RANBP2: variants seen among roughly 807,000 people sequenced by gnomAD.
RANBP2 encodes RAN binding protein 2.
RANBP2 carries 57 observed loss-of-function variants against 303.6 expected under a neutral mutation model. That is an observed-to-expected ratio of 0.19 (90% confidence interval 0.15 to 0.23). The LOEUF (loss-of-function observed/expected upper bound fraction) is 0.23. Ranked by LOEUF, RANBP2 falls within the 10% of genes least tolerant of loss-of-function variation. The probability of loss-of-function intolerance (pLI) is 1.00; values close to 1 mark genes in which losing one functional copy is unlikely to be tolerated. For missense variants in RANBP2, 3,138 were observed against 3,780.8 expected, an observed-to-expected ratio of 0.83 and a Z score of 4.46; for synonymous variants, 1,167 against 1,301.5, an observed-to-expected ratio of 0.90 and a Z score of 2.23.
At chr2:109,449,747 T>C in the RANBP2 span, among the ~76,000 whole-genome samples, 1 of 152,210 alleles carries the variant, frequency 6.6e-6, no homozygotes, top group African/African-American at 2.4e-5. Flanking sequence ...CAGAAAAAGG[T>C]GTCCCCTCTT....
At chr2:109,584,788 G>C in the RANBP2 span, among the ~76,000 whole-genome samples, 7 of 152,136 alleles carry the variant, frequency 4.6e-5, no homozygotes, top group Middle Eastern at 3.4e-3. Context: ...TATATGTCTT[G>C]TATTTTTTTT....
chr2:108,896,631 A>C, the RANBP2 span: 1 of 470,626 alleles, frequency 2.1e-6, no homozygotes, highest in Non-Finnish European at 3.8e-6. Context: ...CAGTGAGTTA[A>C]TGGTGGGCTG....
At chr2:109,292,684 G>C in the RANBP2 span, among the ~76,000 whole-genome samples, 3 of 152,150 alleles carry the variant, frequency 2.0e-5, no homozygotes, top group Non-Finnish European at 2.9e-5. Context: ...GTGCTGAGAG[G>C]AGCACAAACC....
At chr2:108,843,648 A>C in the RANBP2 span, among the ~76,000 whole-genome samples, 1 of 151,636 alleles carries the variant, frequency 6.6e-6, no homozygotes, top group South Asian at 2.1e-4. Flanking sequence ...CATTTGAGTT[A>C]TTTTCCCCAT....
chr2:109,562,846 A>G, the RANBP2 span, among the ~76,000 whole-genome samples: 1 of 152,164 alleles, frequency 6.6e-6, no homozygotes, highest in African/African-American at 2.4e-5. Context: ...TACGAGAATG[A>G]CTGGCCCACA....
chr2:109,410,250 G>A, the RANBP2 span, among the ~76,000 whole-genome samples: 5 of 152,240 alleles, frequency 3.3e-5, no homozygotes, highest in Non-Finnish European at 5.9e-5. Context: ...ACACATCGCC[G>A]TCACAGATGA....
At chr2:109,238,447 ATTTGTGTGTGTGTG>A in the RANBP2 span, among the ~76,000 whole-genome samples, 1 of 119,994 alleles carries the variant, frequency 8.3e-6, no homozygotes, top group African/African-American at 3.3e-5. Context: ...TGTTATGTAT[ATTTGTGTGTGTGTG>A]TGTGTGTGTG....
chr2:109,760,400 G>GGGC, the RANBP2 span: 3,726 of 715,182 alleles, frequency 5.2e-3, 27 homozygotes, highest in South Asian at 0.011. Flanking sequence ...GGCGGGGCGG[G>GGGC]GGCGGCGGCG....
At chr2:109,545,680 A>T in the RANBP2 span, 2 of 1,466,280 alleles carry the variant, frequency 1.4e-6, no homozygotes, top group Non-Finnish European at 1.8e-6. Context: ...TTTAGACATG[A>T]AATTCAAAAT....
the RANBP2 span, among the ~76,000 whole-genome samples, chr2:109,519,995 G>A: frequency 1.3e-3 from 201 of 152,296 alleles, no homozygotes; most frequent in African/African-American, 4.6e-3. Context: ...GCATCTACAC[G>A]TGAGATGAAA....
chr2:108,729,228 T>G (rs762793651), intron 2 of RANBP2, 29 bp downstream of exon 2: 4 of 1,556,004 alleles, frequency 2.6e-6, no homozygotes, highest in South Asian at 1.1e-5. Context: ...ATGTATTTTT[T>G]TTTTAAAATC....
At chr2:109,188,668 C>T in the RANBP2 span, among the ~76,000 whole-genome samples, 6 of 152,164 alleles carry the variant, frequency 3.9e-5, no homozygotes, top group African/African-American at 1.4e-4. Context: ...GAATGCAAAG[C>T]GCTTGGGTTT....
the RANBP2 span, among the ~76,000 whole-genome samples, chr2:109,314,509 G>A: frequency 1.3e-5 from 2 of 152,166 alleles, no homozygotes; most frequent in Non-Finnish European, 2.9e-5. Context: ...CCTCCGTGCA[G>A]GAATGAATTT....
chr2:109,172,137 G>A, the RANBP2 span, among the ~76,000 whole-genome samples: 2 of 152,206 alleles, frequency 1.3e-5, no homozygotes, highest in Admixed American at 6.5e-5. Flanking sequence ...CGGGTGGGGA[G>A]CAGGTCTCCC....
chr2:109,616,062 G>C, the RANBP2 span: 1 of 1,500,528 alleles, frequency 6.7e-7, no homozygotes, highest in Non-Finnish European at 8.9e-7. Flanking sequence ...CAATGTATTT[G>C]GGTAAAAATT....
At chr2:108,814,244 GT>G in the RANBP2 span, among the ~76,000 whole-genome samples, 1 of 152,166 alleles carries the variant, frequency 6.6e-6, no homozygotes, top group Non-Finnish European at 1.5e-5. Flanking sequence ...GTGTATCAAA[GT>G]TTTGGTTGCT....
chr2:109,692,903 C>T, the RANBP2 span, among the ~76,000 whole-genome samples: 8 of 150,672 alleles, frequency 5.3e-5, no homozygotes, highest in Non-Finnish European at 1.0e-4. Flanking sequence ...TCTGCAACCT[C>T]CACCTCCCGG....
At chr2:109,036,573 G>A in the RANBP2 span, among the ~76,000 whole-genome samples, 1 of 152,114 alleles carries the variant, frequency 6.6e-6, no homozygotes, top group East Asian at 1.9e-4. Context: ...TGTTAACCAG[G>A]TAAAGAATAA....
At chr2:109,353,159 A>T in the RANBP2 span, among the ~76,000 whole-genome samples, 2 of 152,066 alleles carry the variant, frequency 1.3e-5, no homozygotes, top group Admixed American at 1.3e-4. Context: ...ACAAGGCCCC[A>T]CCTCACCCAG....
Sources: gnomAD v4.1 joint callset for allele counts (sites outside exome capture counted in the v4.1 genomes callset) on GRCh38, gnomAD v4.1.1 for gene constraint, MANE v1.5 for transcripts, NCBI Gene and HGNC (gene_info 2026-07-23, HGNC 2026-07-21) for gene names.